The following BAIAP2L1 variants were observed in gnomAD, a reference collection of about 807,000 sequenced individuals.
The protein encoded by BAIAP2L1 is BAR/IMD domain-containing adapter protein 2-like 1.
BAIAP2L1 carries 35 observed loss-of-function variants against 66.3 expected under a neutral mutation model. The ratio of observed to expected loss-of-function variants is 0.53; its 90% confidence interval spans 0.40 to 0.70. BAIAP2L1 has a LOEUF of 0.70. Among genes scored for constraint, BAIAP2L1 ranks in the 30% least tolerant of loss-of-function variants. The pLI is 0.00. For synonymous variants in BAIAP2L1, 269 were observed against 248.7 expected (o/e 1.08, Z -0.77); for missense variants, 622 against 656.9 (o/e 0.95, Z 0.58).
At chr7:98,347,100 A>T (rs930392713) in intron 3 of BAIAP2L1, among the ~76,000 whole-genome samples, 15 of 152,214 alleles carry the variant, frequency 9.9e-5, no homozygotes, top group Admixed American at 8.5e-4. Flanking sequence ...GAAATGTTGG[A>T]AGCTGATCCA....
At chr7:98,384,797 C>T (rs1411646975) in intron 1 of BAIAP2L1, among the ~76,000 whole-genome samples, 1 of 146,848 alleles carries the variant, frequency 6.8e-6, no homozygotes, top group Non-Finnish European at 1.5e-5. Flanking sequence ...CTCCCAGGTT[C>T]AAGCGATTCT....
chr7:98,352,625 G>C (rs1476653722), intron 3 of BAIAP2L1, among the ~76,000 whole-genome samples: 1 of 152,120 alleles, frequency 6.6e-6, no homozygotes, highest in Non-Finnish European at 1.5e-5. Flanking sequence ...CTAGGTGATG[G>C]AGTGAGGTTC....
At chr7:98,356,148 T>G (rs908559362) in intron 2 of BAIAP2L1, among the ~76,000 whole-genome samples, 1 of 152,136 alleles carries the variant, frequency 6.6e-6, no homozygotes, top group Non-Finnish European at 1.5e-5. Flanking sequence ...CAGGGGCAAA[T>G]TACTTACCCT....
At chr7:98,360,595 C>T (rs1802247709) in intron 2 of BAIAP2L1, among the ~76,000 whole-genome samples, 1 of 151,234 alleles carries the variant, frequency 6.6e-6, no homozygotes, top group Non-Finnish European at 1.5e-5. Flanking sequence ...ACTGGCTCAC[C>T]TTGTAAAACT....
At chr7:98,372,942 G>A (rs1278748791) in intron 1 of BAIAP2L1, among the ~76,000 whole-genome samples, 1 of 152,140 alleles carries the variant, frequency 6.6e-6, no homozygotes, top group Non-Finnish European at 1.5e-5. Flanking sequence ...GTTTCGCCAT[G>A]TTGGCCAGGC....
intron 12 of BAIAP2L1, among the ~76,000 whole-genome samples, chr7:98,301,765 C>G (rs895633954): frequency 6.6e-6 from 1 of 152,006 alleles, no homozygotes; most frequent in African/African-American, 2.4e-5. Flanking sequence ...GTGGAGGCAG[C>G]CGGGGACTGG....
At chr7:98,369,914 C>T (rs554919527) in intron 1 of BAIAP2L1, among the ~76,000 whole-genome samples, 1 of 152,176 alleles carries the variant, frequency 6.6e-6, no homozygotes, top group Non-Finnish European at 1.5e-5. Flanking sequence ...GCAAGTGATT[C>T]ATCCGCCTCA....
chr7:98,354,789 C>T (rs2115692122), intron 3 of BAIAP2L1, among the ~76,000 whole-genome samples: 1 of 152,294 alleles, frequency 6.6e-6, no homozygotes, highest in Non-Finnish European at 1.5e-5. Flanking sequence ...AGAGCCCAGG[C>T]ACCCAGGGCA....
intron 11 of BAIAP2L1, among the ~76,000 whole-genome samples, chr7:98,305,040 G>GTTTTTTTTTT (rs1386050479): frequency 1.1e-5 from 1 of 87,152 alleles, no homozygotes; most frequent in Non-Finnish European, 2.2e-5. Context: ...TAATTTTTTT[G>GTTTTTTTTTT]TTTTTTGTTT....
intron 1 of BAIAP2L1, among the ~76,000 whole-genome samples, chr7:98,389,313 G>C (rs561123244): frequency 6.6e-6 from 1 of 151,808 alleles, no homozygotes; most frequent in Non-Finnish European, 1.5e-5. Context: ...ACATTTGTTC[G>C]AGGCCTTATT....
rs28505314 is a variant in BAIAP2L1, at chr7:98,313,430, G to A, written c.640-1166C>T. Among the ~76,000 whole-genome samples, 633 of 152,192 alleles carry A rather than the reference G, an allele frequency of 4.2e-3. 5 individuals carry two copies. The highest frequency in any genetic ancestry group is 0.015 in the African/African-American group (607 of 41,528). On this transcript the variant is annotated intron_variant, in intron 7 of 13. Coordinates refer to ENST00000005260, the MANE Select transcript of BAIAP2L1 (RefSeq NM_018842.5). ...CTAGGCTGCCTCATGACACGGTGGGGATATCACGCAGGAAGAGAACCTCAA... is the reference window on the plus strand; with the variant it reads ...CTAGGCTGCCTCATGACACGGTGGGAATATCACGCAGGAAGAGAACCTCAA...
At chr7:98,374,090 T>C (rs2115774829) in intron 1 of BAIAP2L1, among the ~76,000 whole-genome samples, 1 of 152,242 alleles carries the variant, frequency 6.6e-6, no homozygotes, top group South Asian at 2.1e-4. Flanking sequence ...TAGGTGGGAC[T>C]ACAGACGCAA....
chr7:98,296,350 G>C (rs1032995275), intron 12 of BAIAP2L1, among the ~76,000 whole-genome samples: 17 of 152,348 alleles, frequency 1.1e-4, no homozygotes, highest in African/African-American at 4.1e-4. Context: ...ATTGGGCCAG[G>C]GACAGTGGCT....
intron 9 of BAIAP2L1, 191 bp from the exon 10 acceptor site, chr7:98,308,087 G>A: frequency 1.4e-6 from 1 of 701,780 alleles, no homozygotes; most frequent in Non-Finnish European, 2.6e-6. Context: ...AGAAACAGAG[G>A]CAGCGTGCAG....
chr7:98,400,928 G>A lies in BAIAP2L1; in HGVS notation c.-76C>T. ...GGCCGCCGGACTCCGGGCAGCGGGA[G>A]GGCCGGGGCGCGACTAAGGGGCTCT... On this transcript the variant is annotated 5_prime_UTR_variant, in exon 1 of 14. Transcript: ENST00000005260. The A allele has an allele frequency of 7.1e-7, 1 of 1,399,796 alleles. No homozygotes were observed. Among genetic ancestry groups the A allele is most frequent in the Non-Finnish European group, 9.4e-7 (1 of 1,067,610 alleles). 86.7% of individuals were successfully genotyped at this position (1,399,796 alleles called of 1,614,324 possible). A position where few individuals can be genotyped will look rare whatever the true frequency, so the allele number is the denominator to read the frequency against.
chr7:98,376,015 C>A (rs533849209), intron 1 of BAIAP2L1, among the ~76,000 whole-genome samples: 1 of 152,258 alleles, frequency 6.6e-6, no homozygotes, highest in Non-Finnish European at 1.5e-5. Context: ...TTAAAAAATA[C>A]TTACATAAAT....
intron 2 of BAIAP2L1, among the ~76,000 whole-genome samples, chr7:98,359,111 T>C (rs1463822394): frequency 6.6e-6 from 1 of 152,182 alleles, no homozygotes; most frequent in Non-Finnish European, 1.5e-5. Context: ...AGACTGCAGG[T>C]GCAGGAGTGA....
chr7:98,293,851 T>C (rs1013923668), intron 13 of BAIAP2L1, among the ~76,000 whole-genome samples: 1 of 152,220 alleles, frequency 6.6e-6, no homozygotes, highest in South Asian at 2.1e-4. Flanking sequence ...TAGTCCTGCA[T>C]TGTGTGTGAC....
chr7:98,394,957 C>T (rs1467993640), intron 1 of BAIAP2L1, among the ~76,000 whole-genome samples: 2 of 150,432 alleles, frequency 1.3e-5, no homozygotes, highest in East Asian at 2.0e-4. Context: ...ACTAAAAATA[C>T]AAAAATTAGC....
Sources: gnomAD v4.1 joint callset for allele counts (sites outside exome capture counted in the v4.1 genomes callset) on GRCh38, gnomAD v4.1.1 for gene constraint, MANE v1.5 for transcripts, NCBI Gene and HGNC (gene_info 2026-07-23, HGNC 2026-07-21) for gene names.